SYN3: variants seen among roughly 807,000 people sequenced by gnomAD.
The protein encoded by SYN3 is synapsin-3.
Under a neutral mutation model 65.8 loss-of-function variants are expected in SYN3, and 35 were observed. That is an observed-to-expected ratio of 0.53 (90% CI 0.41 to 0.70). The LOEUF is 0.70. Ranked by LOEUF, SYN3 falls within the 30% of genes least tolerant of loss-of-function variation. SYN3 has a pLI of 0.00. For missense variants in SYN3, 680 were observed against 749.0 expected, an observed-to-expected ratio of 0.91 and a Z score of 1.08; for synonymous variants, 270 against 292.9, an observed-to-expected ratio of 0.92 and a Z score of 0.80.
chr22:32,549,228 G>A (rs913610497), intron 7 of SYN3, among the ~76,000 whole-genome samples: 1 of 152,026 alleles, frequency 6.6e-6, no homozygotes, highest in East Asian at 1.9e-4. Context: ...AAAAAATAGG[G>A]TGCAGAATAA....
At chr22:33,043,317 G>A (rs2053997018) in intron 1 of SYN3, among the ~76,000 whole-genome samples, 1 of 152,220 alleles carries the variant, frequency 6.6e-6, no homozygotes. Flanking sequence ...GGAGGCCGAG[G>A]TGGGCGGATC....
At chr22:32,636,177 G>A (rs1379891939) in intron 6 of SYN3, among the ~76,000 whole-genome samples, 6 of 151,888 alleles carry the variant, frequency 4.0e-5, no homozygotes, top group Admixed American at 1.3e-4. Context: ...CAAGGCAGGC[G>A]GATCACAAGG....
intron 4 of SYN3, among the ~76,000 whole-genome samples, chr22:32,903,544 G>C (rs924246775): frequency 6.6e-6 from 1 of 152,120 alleles, no homozygotes; most frequent in Non-Finnish European, 1.5e-5. Flanking sequence ...GAAAAGAATT[G>C]AGCTCTCCAG....
intron 3 of SYN3, among the ~76,000 whole-genome samples, chr22:32,940,671 T>A (rs2050910706): frequency 6.6e-6 from 1 of 152,220 alleles, no homozygotes; most frequent in South Asian, 2.1e-4. Flanking sequence ...ACCAAGTCAC[T>A]TCATAGGTGG....
Position 32,940,443 on chromosome 22 carries a change from C to T in SYN3, c.370-8962G>A, listed in dbSNP as rs762799330. On this transcript the variant is annotated intron_variant, in intron 3 of 13. Transcript: ENST00000358763. ...TTAGCTTAAAAAATGTTTGCCTATC[C>T]CAAGGTCATGTAGGCACTCTCAGTG... Among the ~76,000 whole-genome samples, 36 of 151,826 alleles carry T rather than the reference C, an allele frequency of 2.4e-4. No homozygotes were observed. The South Asian group carries it at 3.5e-3, about 15-fold the overall frequency.
At chr22:32,980,083 T>G (rs2052327870) in intron 3 of SYN3, among the ~76,000 whole-genome samples, 1 of 152,164 alleles carries the variant, frequency 6.6e-6, no homozygotes, top group South Asian at 2.1e-4. Context: ...CCACATAAAA[T>G]GAGGGACCTG....
chr22:32,945,693 G>A (rs2051086656), intron 3 of SYN3, among the ~76,000 whole-genome samples: 1 of 152,160 alleles, frequency 6.6e-6, no homozygotes. Flanking sequence ...TGACAAATGG[G>A]ATCTAATTAA....
intron 4 of SYN3, among the ~76,000 whole-genome samples, chr22:32,910,357 C>T (rs1373558490): frequency 6.6e-6 from 1 of 152,014 alleles, no homozygotes; most frequent in Admixed American, 6.6e-5. Context: ...ACCCCGTACC[C>T]CCAAAAAGCT....
chr22:32,839,909 G>C (rs186077478), intron 6 of SYN3, among the ~76,000 whole-genome samples: 7 of 151,856 alleles, frequency 4.6e-5, no homozygotes, highest in Non-Finnish European at 1.0e-4. Flanking sequence ...CGTCAGCAGG[G>C]GCCCTGAGTT....
intron 6 of SYN3, among the ~76,000 whole-genome samples, chr22:32,806,603 T>G (rs534239989): frequency 6.6e-6 from 1 of 152,322 alleles, no homozygotes; most frequent in East Asian, 1.9e-4. Context: ...TGTGTGTGCC[T>G]AGGCACATAT....
intron 6 of SYN3, among the ~76,000 whole-genome samples, chr22:32,718,259 G>A (rs755772244): frequency 2.0e-5 from 3 of 152,062 alleles, no homozygotes; most frequent in Non-Finnish European, 4.4e-5. Flanking sequence ...CCTCCCTGCT[G>A]CCTTGCCCTC....
At position 32,874,911 on chromosome 22, in the gene SYN3, G is replaced by A. The variant is rs555600952; in HGVS notation, c.462-5786C>T. Among the ~76,000 whole-genome samples the A allele has an allele frequency of 5.3e-5, 8 of 152,292 alleles. No homozygotes were observed. The South Asian group carries it at 1.0e-3, about 20-fold the overall frequency. On this transcript the variant is annotated intron_variant, in intron 4 of 13. Transcript: ENST00000358763. The stretch of plus-strand genomic sequence containing the variant: ...CTGGGGGAAGGGGACAAAGGGAACC[G>A]AGTAAACCAGCAAATGGGGAGGGGG...
intron 3 of SYN3, among the ~76,000 whole-genome samples, chr22:32,933,641 T>C (rs1374097024): frequency 6.6e-6 from 1 of 152,142 alleles, no homozygotes; most frequent in Non-Finnish European, 1.5e-5. Context: ...GGTTTCACCA[T>C]GTTGGCCAGG....
chr22:32,827,836 T>A (rs146686562), intron 6 of SYN3, among the ~76,000 whole-genome samples: 2 of 152,276 alleles, frequency 1.3e-5, no homozygotes, highest in East Asian at 3.9e-4. Flanking sequence ...ACTGTCTCTT[T>A]TGAACTTGCT....
At chr22:32,840,384 G>A (rs1569266865) in intron 6 of SYN3, among the ~76,000 whole-genome samples, 1 of 152,112 alleles carries the variant, frequency 6.6e-6, no homozygotes, top group Non-Finnish European at 1.5e-5. Flanking sequence ...AAGGGCCTTT[G>A]AAACGGACAA....
chr22:32,664,418 T>G (rs1369369057), intron 6 of SYN3, among the ~76,000 whole-genome samples: 1 of 152,138 alleles, frequency 6.6e-6, no homozygotes, highest in African/African-American at 2.4e-5. Flanking sequence ...GTCCTTGTCT[T>G]TCTTGACCTA....
intron 9 of SYN3, 130 bp downstream of exon 9, chr22:32,537,906 A>G: frequency 2.8e-6 from 2 of 720,046 alleles, no homozygotes; most frequent in East Asian, 2.5e-5. Flanking sequence ...CATGTCTAAA[A>G]AAGTGCTCTG....
chr22:32,862,040 G>A lies in SYN3; in HGVS notation c.711+2875C>T, dbSNP rs917771540. On this transcript the variant is annotated intron_variant, in intron 6 of 13. Coordinates refer to ENST00000358763, the MANE Select transcript of SYN3 (RefSeq NM_003490.4). ...GAATTGGGGGAAATAGAAGGAACTA[G>A]TAACTGAGACTCCTCCAGCCTCCTC... is the stretch of plus-strand genomic sequence containing the variant. 2.0e-5 allele frequency: 3 copies of A among 152,572 alleles called. No individual in the cohort carries two copies. The South Asian group carries it at 6.2e-4, about 32-fold the overall frequency. 9.5% of individuals were successfully genotyped at this position (152,572 alleles called of 1,614,324 possible). A position where few individuals can be genotyped will look rare whatever the true frequency, so the allele number is the denominator to read the frequency against.
chr22:32,812,490 G>A (rs1174477508), intron 6 of SYN3, among the ~76,000 whole-genome samples: 3 of 152,324 alleles, frequency 2.0e-5, no homozygotes, highest in Non-Finnish European at 2.9e-5. Context: ...TTCAGGGCCT[G>A]TCACTGATTG....
Sources: gnomAD v4.1 joint callset for allele counts (sites outside exome capture counted in the v4.1 genomes callset) on GRCh38, gnomAD v4.1.1 for gene constraint, MANE v1.5 for transcripts, NCBI Gene and HGNC (gene_info 2026-07-23, HGNC 2026-07-21) for gene names.